The following MACF1 variants were observed in gnomAD, a reference collection of about 807,000 sequenced individuals.
MACF1 encodes the protein microtubule-actin cross-linking factor 1.
Under a neutral mutation model 854.8 loss-of-function variants are expected in MACF1, and 193 were observed. The ratio of observed to expected loss-of-function variants is 0.23; its 90% CI spans 0.20 to 0.25. MACF1 has a LOEUF of 0.25. Ranked by LOEUF, MACF1 falls within the 10% of genes least tolerant of loss-of-function variation. The pLI, the probability that MACF1 is intolerant of heterozygous loss-of-function variation, is 1.00. For missense variants in MACF1, 7,722 were observed against 8,929.1 expected (o/e 0.86, Z 5.45); for synonymous variants, 3,185 against 3,226.7 (o/e 0.99, Z 0.44).
At chr1:39,132,874 A>G (rs1160420152) in intron 2 of MACF1, among the ~76,000 whole-genome samples, 1 of 152,176 alleles carries the variant, frequency 6.6e-6, no homozygotes, top group Non-Finnish European at 1.5e-5. Flanking sequence ...CACAGGCTCT[A>G]AGAAGATTGT....
At chr1:39,142,640 A>G (rs1643368941) in intron 2 of MACF1, among the ~76,000 whole-genome samples, 1 of 152,226 alleles carries the variant, frequency 6.6e-6, no homozygotes. Context: ...AGAGTTTAGC[A>G]TTCTGATTGT....
intron 70 of MACF1, 44 bp from the exon 71 acceptor site, chr1:39,437,733 G>GT: frequency 3.0e-6 from 4 of 1,353,754 alleles, no homozygotes; most frequent in Non-Finnish European, 4.2e-6. Context: ...TCCAAGAAGA[G>GT]TGATGAGGTA....
Position 39,479,874 on chromosome 1 carries a change from C to T in MACF1, c.22035C>T (p.Phe7345=). The change falls in exon 98 of 101, where the codon TTC becomes TTT. Residue 7345 remains phenylalanine (F), a synonymous_variant. Coordinates refer to ENST00000564288, the MANE Select transcript of MACF1 (RefSeq NM_001394062.1). ...GAGCATCCCAGGGAATGACCCCCTT[C>T]CGCTCACGGGGTCGAAGGTCCAAAC... ...PEGASQGMTP[F]RSRGRRSKPS... is the part of the protein sequence containing the mutation. 2 of 1,614,258 alleles carry T rather than the reference C, an allele frequency of 1.2e-6. No homozygotes were observed. The highest frequency in any genetic ancestry group is 8.5e-7 in the Non-Finnish European group (1 of 1,180,024).
chr1:39,285,415 A>G (rs1397679087), intron 13 of MACF1, 25 bp downstream of exon 13: 2 of 1,610,758 alleles, frequency 1.2e-6, no homozygotes, highest in East Asian at 2.2e-5. Flanking sequence ...GTTTTGTCCA[A>G]CATCTGTGTC....
At chr1:39,096,176 CCT>C (rs1427391648) in intron 2 of MACF1, among the ~76,000 whole-genome samples, 1 of 128,524 alleles carries the variant, frequency 7.8e-6, no homozygotes. Flanking sequence ...ACAGTGAGAC[CCT>C]GTCTCAAAAA....
chr1:39,107,820 G>A (rs1642287153), intron 2 of MACF1, among the ~76,000 whole-genome samples: 1 of 152,160 alleles, frequency 6.6e-6, no homozygotes, highest in Non-Finnish European at 1.5e-5. Context: ...ACATTACTTG[G>A]ATCTCTCTCT....
rs1466606212 is a variant in MACF1, at chr1:39,332,863, T to C, written c.6275T>C (p.Ile2092Thr). 1.2e-6 allele frequency: 2 copies of C among 1,613,906 alleles called. No individual in the cohort carries two copies. The highest frequency in any genetic ancestry group is 2.2e-5 in the East Asian group (1 of 44,880). Reference sequence around the variant, plus strand: ...GAACAAAAAGAGAGAAATCCAAACATTGATGCTTTGAAGGTAATAAATAAA... The same window carrying C: ...GAACAAAAAGAGAGAAATCCAAACACTGATGCTTTGAAGGTAATAAATAAA... Reference protein sequence around the residue: ...FVEQKERNPNIDALKVINKVK... With the variant: ...FVEQKERNPNTDALKVINKVK... The change falls in exon 37 of 101, where the codon ATT becomes ACT. Residue 2092 changes from isoleucine (I) to threonine (T), a missense_variant. This residue lies in a region of MACF1 where 1,531 missense variants were observed against 1,601.6 expected (regional missense o/e 0.96). Transcript: ENST00000564288.
intron 40 of MACF1, 72 bp from the exon 41 acceptor site, chr1:39,346,905 T>C: frequency 1.0e-6 from 1 of 1,001,468 alleles, no homozygotes; most frequent in Non-Finnish European, 1.5e-6. Context: ...ATTCTGTTGG[T>C]TTTCTTCATG....
chr1:39,349,663 C>T (rs757978206), intron 42 of MACF1, 36 bp downstream of exon 42: 10 of 1,607,082 alleles, frequency 6.2e-6, no homozygotes, highest in East Asian at 4.5e-5. Flanking sequence ...CACAAAGTCT[C>T]GCTCTATCGC....
intron 6 of MACF1, among the ~76,000 whole-genome samples, chr1:39,261,579 C>G (rs1054470022): frequency 6.6e-6 from 1 of 152,120 alleles, no homozygotes; most frequent in African/African-American, 2.4e-5. Context: ...TTGTATCTGG[C>G]TTTTTTCACT....
chr1:39,458,479 G>A lies in MACF1; in HGVS notation c.21185G>A (p.Arg7062His), dbSNP rs188161549. Reference protein sequence around the residue: ...PTHAPFIEKSRSGGRKSLSQP... With the variant: ...PTHAPFIEKSHSGGRKSLSQP... ...CACGCGCCTTTCATAGAGAAATCCCGCAGCGGAGGCAGTATGTTTCCAGCC... is the reference window on the plus strand; with the variant it reads ...CACGCGCCTTTCATAGAGAAATCCCACAGCGGAGGCAGTATGTTTCCAGCC... The change falls in exon 90 of 101, where the codon CGC becomes CAC. Residue 7062 changes from arginine (R) to histidine (H), a missense_variant. Physicochemically the swap from Arg to His is conservative, Grantham distance 29 (BLOSUM62 0). Coordinates refer to ENST00000564288, the MANE Select transcript of MACF1 (RefSeq NM_001394062.1). The A allele has an allele frequency of 2.2e-5, 35 of 1,612,980 alleles. No homozygotes were observed. In the East Asian group the frequency reaches 2.7e-4, roughly 12 times the overall value.
In MACF1 at chr1:39,436,751, T is replaced by G. The variant is rs189782932; in HGVS notation, c.17988+990T>G. On this transcript the variant is annotated intron_variant, in intron 70 of 100. Coordinates refer to ENST00000564288, the MANE Select transcript of MACF1 (RefSeq NM_001394062.1). ...AACTAAAACCAGAGTTGGTTTGAGA[T>G]AGATTTTTCTTAGGAGGCATGCTTA... 7.7e-4 allele frequency among the ~76,000 whole-genome samples: 118 copies of G among 152,338 alleles called. 1 individual carries two copies. The highest frequency in any genetic ancestry group is 2.6e-3 in the African/African-American group (110 of 41,578).
At chr1:39,449,924 G>T (rs929518730) in intron 84 of MACF1, among the ~76,000 whole-genome samples, 7 of 151,656 alleles carry the variant, frequency 4.6e-5, no homozygotes, top group Non-Finnish European at 8.8e-5. Flanking sequence ...CAGTGGCACT[G>T]TCTCGGGTCA....
In MACF1 at chr1:39,385,825, G is replaced by C; in HGVS notation, c.14240G>C (p.Cys4747Ser). The C allele has an allele frequency of 6.2e-7, 1 of 1,614,174 alleles. No homozygotes were observed. Reference sequence around the variant, plus strand: ...GAGGTTAAGGAGGCTCAGACACTGTGCGATGAACTCTCAGTGCTCATTGGT... The same window carrying C: ...GAGGTTAAGGAGGCTCAGACACTGTCCGATGAACTCTCAGTGCTCATTGGT... ...DHEVKEAQTLCDELSVLIGEQ... is the reference protein window; with the variant it reads ...DHEVKEAQTLSDELSVLIGEQ... The change falls in exon 57 of 101, where the codon TGC becomes TCC. Residue 4747 changes from cysteine to serine, a missense_variant. Cys to Ser is a moderately radical substitution (Grantham distance 112, BLOSUM62 -1). This residue lies in a region of MACF1 where 2,807 missense variants were observed against 3,235.8 expected (regional missense o/e 0.87). Coordinates refer to ENST00000564288, the MANE Select transcript of MACF1 (RefSeq NM_001394062.1).
At chr1:39,228,425 CAA>C (rs1644742018) in intron 1 of MACF1, among the ~76,000 whole-genome samples, 1 of 152,194 alleles carries the variant, frequency 6.6e-6, no homozygotes, top group African/African-American at 2.4e-5. Flanking sequence ...GTAGTATGAG[CAA>C]AGAGTCAGTG....
chr1:39,216,647 G>T (rs1208253693), intron 1 of MACF1, among the ~76,000 whole-genome samples: 1 of 148,904 alleles, frequency 6.7e-6, no homozygotes, highest in East Asian at 2.0e-4. Flanking sequence ...AATAATGCTT[G>T]GGGCACAGAG....
intron 2 of MACF1, among the ~76,000 whole-genome samples, chr1:39,196,590 T>C (rs1393086213): frequency 6.6e-6 from 1 of 152,208 alleles, no homozygotes; most frequent in Non-Finnish European, 1.5e-5. Context: ...CTCTACCAAA[T>C]TTATAATCTT....
chr1:39,474,419 G>A (rs2124171705), intron 97 of MACF1, among the ~76,000 whole-genome samples: 1 of 151,738 alleles, frequency 6.6e-6, no homozygotes, highest in Non-Finnish European at 1.5e-5. Context: ...TATATGGCCA[G>A]GCACAGTGGC....
At chr1:39,407,405 C>G (rs377478176) in intron 58 of MACF1, among the ~76,000 whole-genome samples, 1 of 152,114 alleles carries the variant, frequency 6.6e-6, no homozygotes, top group Non-Finnish European at 1.5e-5. Flanking sequence ...TGGCAGTATA[C>G]GACCAAGAGG....
Sources: allele counts gnomAD v4.1 joint callset (sites outside exome capture counted in the v4.1 genomes callset), GRCh38; gene constraint gnomAD v4.1.1; regional missense constraint gnomAD v4.1.1; transcripts MANE v1.5; gene names NCBI Gene and HGNC (gene_info 2026-07-23, HGNC 2026-07-21).